Variants in PIK3CB observed in about 807,000 individuals in gnomAD.
PIK3CB encodes the protein phosphatidylinositol-4,5-bisphosphate 3-kinase catalytic subunit beta, also known as phosphatidylinositol 4,5-bisphosphate 3-kinase catalytic subunit beta isoform.
Under a neutral mutation model 136.8 loss-of-function variants are expected in PIK3CB, and 39 were observed. That is an observed-to-expected ratio of 0.29 (90% CI 0.22 to 0.37). The LOEUF (loss-of-function observed/expected upper bound fraction) is 0.37. Ranked by LOEUF, PIK3CB falls within the 10% of genes least tolerant of loss-of-function variation. The pLI is 1.00. For missense variants in PIK3CB, 868 were observed against 1,275.4 expected, an observed-to-expected ratio of 0.68 and a Z score of 4.87; for synonymous variants, 428 against 436.6, an observed-to-expected ratio of 0.98 and a Z score of 0.25.
At chr3:138,831,261 T>TAAATAAAATAAAATAAAATAAAATA (rs34817349) in intron 1 of PIK3CB, among the ~76,000 whole-genome samples, 6 of 145,416 alleles carry the variant, frequency 4.1e-5, no homozygotes, top group Non-Finnish European at 8.9e-5. Context: ...CCGTCTCAAA[T>TAAATAAAATAAAATAAAATAAAATA]AAATAAAATA....
intron 2 of PIK3CB, among the ~76,000 whole-genome samples, chr3:138,771,498 G>GT (rs1363912315): frequency 1.3e-5 from 2 of 152,112 alleles, no homozygotes; most frequent in Non-Finnish European, 2.9e-5. Context: ...GATTACAGGC[G>GT]TAAGCCACCC....
chr3:138,759,634 TATAA>T lies in PIK3CB; in HGVS notation c.-16-279_-16-276del, dbSNP rs1402404437. On this transcript the variant is annotated intron_variant, in intron 2 of 23. Transcript: ENST00000674063. ...AGGAAAAAAATTATTCTTATATACA[TATAA>T]ATAAAAATATATACACATACATATG... Among the ~76,000 whole-genome samples, 6 of 152,146 alleles carry T rather than the reference TATAA, an allele frequency of 3.9e-5. No homozygotes were observed. In the East Asian group the frequency reaches 1.2e-3, roughly 29 times the overall value.
chr3:138,831,261 T>TAAAATA (rs1553745233), intron 1 of PIK3CB, among the ~76,000 whole-genome samples: 3 of 145,416 alleles, frequency 2.1e-5, no homozygotes, highest in African/African-American at 5.2e-5. Context: ...CCGTCTCAAA[T>TAAAATA]AAATAAAATA....
chr3:138,722,221 G>GACACACACAC (rs56139182), intron 8 of PIK3CB, among the ~76,000 whole-genome samples: 15 of 144,218 alleles, frequency 1.0e-4, no homozygotes, highest in African/African-American at 3.4e-4. Context: ...CTATGTAAGA[G>GACACACACAC]ACACACACAC....
At chr3:138,779,642 C>T (rs945575678) in intron 2 of PIK3CB, among the ~76,000 whole-genome samples, 8 of 151,230 alleles carry the variant, frequency 5.3e-5, no homozygotes, top group African/African-American at 1.9e-4. Flanking sequence ...ATCCATCTGC[C>T]TTAGCCTCCC....
intron 4 of PIK3CB, among the ~76,000 whole-genome samples, chr3:138,744,564 G>A (rs932429294): frequency 3.3e-5 from 5 of 151,882 alleles, no homozygotes; most frequent in East Asian, 1.9e-4. Context: ...GGCAGCAGAC[G>A]CAGGCATACT....
chr3:138,749,045 T>C (rs909261757), intron 4 of PIK3CB, among the ~76,000 whole-genome samples: 2 of 152,128 alleles, frequency 1.3e-5, no homozygotes, highest in African/African-American at 4.8e-5. Context: ...AAAGGTAAAA[T>C]GATTTCCTGG....
chr3:138,687,830 G>A (rs1328643008), intron 16 of PIK3CB, among the ~76,000 whole-genome samples: 1 of 152,086 alleles, frequency 6.6e-6, no homozygotes, highest in South Asian at 2.1e-4. Flanking sequence ...GGGAAACACG[G>A]GGTACAATTT....
intron 18 of PIK3CB, 121 bp from the exon 19 acceptor site, chr3:138,682,166 C>A: frequency 1.7e-6 from 1 of 599,696 alleles, no homozygotes; most frequent in Admixed American, 3.4e-5. Flanking sequence ...AATATTTTCA[C>A]TAATTTTATA....
At chr3:138,740,577 C>A (rs2045223304) in intron 5 of PIK3CB, among the ~76,000 whole-genome samples, 2 of 152,210 alleles carry the variant, frequency 1.3e-5, no homozygotes, top group Non-Finnish European at 2.9e-5. Flanking sequence ...AGTAAGACAC[C>A]AATGATCTTA....
chr3:138,733,328 G>A lies in PIK3CB; in HGVS notation c.1050+33C>T, dbSNP rs145857854. On this transcript the variant is annotated intron_variant, in intron 8 of 23. Transcript: ENST00000674063. The stretch of plus-strand genomic sequence containing the variant: ...CAGTGAGTTATTCAAATACTGGAGC[G>A]GATGGCAAATTCAAATCTTAGTGGG... 6.9e-3 allele frequency: 6,739 copies of A among 974,110 alleles called. 37 individuals carry two copies. The highest frequency in any genetic ancestry group is 9.4e-3 in the Non-Finnish European group (5,855 of 620,144). The allele number at this position is 974,110 out of a possible 1,614,324, so 60.3% of individuals were successfully genotyped here. A position where few individuals can be genotyped will look rare whatever the true frequency, so the allele number is the denominator to read the frequency against.
chr3:138,811,072 C>A (rs1334792426), intron 1 of PIK3CB, among the ~76,000 whole-genome samples: 2 of 147,928 alleles, frequency 1.4e-5, no homozygotes, highest in Non-Finnish European at 3.0e-5. Flanking sequence ...ACTAAAAATA[C>A]AAAAATAAGC....
At chr3:138,833,989 G>C (rs1934158827) in intron 1 of PIK3CB, among the ~76,000 whole-genome samples, 1 of 152,160 alleles carries the variant, frequency 6.6e-6, no homozygotes, top group Non-Finnish European at 1.5e-5. Flanking sequence ...CCAATATTAA[G>C]CAACTCCAGT....
chr3:138,687,964 TTAA>T lies in PIK3CB; in HGVS notation c.2136+908_2136+910del, dbSNP rs896953475. Among the ~76,000 whole-genome samples the T allele has an allele frequency of 9.2e-5, 14 of 152,244 alleles. 1 individual carries two copies. Among genetic ancestry groups the T allele is most frequent in the Admixed American group, 8.5e-4 (13 of 15,292 alleles). Reference sequence around the variant, plus strand: ...TCAGGGTTCTATAAAATTCAGAGGATTAATAATATTGATTCCATGTTGTTGTTA... The same window carrying T: ...TCAGGGTTCTATAAAATTCAGAGGATTAATATTGATTCCATGTTGTTGTTA... On this transcript the variant is annotated intron_variant, in intron 16 of 23. Coordinates refer to ENST00000674063, the MANE Select transcript of PIK3CB (RefSeq NM_006219.3).
chr3:138,766,187 T>A (rs2045730316), intron 2 of PIK3CB, among the ~76,000 whole-genome samples: 2 of 152,232 alleles, frequency 1.3e-5, no homozygotes, highest in Admixed American at 6.5e-5. Context: ...TGTATTTTTT[T>A]AACTAATGTT....
intron 3 of PIK3CB, among the ~76,000 whole-genome samples, chr3:138,756,646 C>T (rs2045574310): frequency 1.3e-5 from 2 of 152,102 alleles, no homozygotes; most frequent in Non-Finnish European, 2.9e-5. Context: ...ATTTTGTTAA[C>T]AGCCAGTACA....
chr3:138,711,852 T>C (rs560164190), intron 10 of PIK3CB, among the ~76,000 whole-genome samples: 2 of 152,090 alleles, frequency 1.3e-5, no homozygotes, highest in Non-Finnish European at 2.9e-5. Flanking sequence ...TCAGTAACAG[T>C]GGCTCATGCC....
At chr3:138,788,997 A>AAAAAAAAAAAAAC (rs1559879235) in intron 2 of PIK3CB, among the ~76,000 whole-genome samples, 14 of 150,194 alleles carry the variant, frequency 9.3e-5, no homozygotes, top group African/African-American at 3.2e-4. Context: ...AAAAAACAAA[A>AAAAAAAAAAAAAC]AACAACACCA....
At chr3:138,785,856 G>A (rs2045976840) in intron 2 of PIK3CB, among the ~76,000 whole-genome samples, 1 of 150,814 alleles carries the variant, frequency 6.6e-6, no homozygotes. Context: ...ATGCTTATCT[G>A]AGGATATGAC....
Sources: gnomAD v4.1 joint callset for allele counts (sites outside exome capture counted in the v4.1 genomes callset) on GRCh38, gnomAD v4.1.1 for gene constraint, MANE v1.5 for transcripts, NCBI Gene and HGNC (gene_info 2026-07-23, HGNC 2026-07-21) for gene names.